Variants in DYNC1H1 observed in about 807,000 individuals in gnomAD.
DYNC1H1 encodes dynein cytoplasmic 1 heavy chain 1.
DYNC1H1 carries 51 observed loss-of-function variants against 527.1 expected under a neutral mutation model. That is an observed-to-expected ratio of 0.10 (90% confidence interval 0.08 to 0.12). The LOEUF is 0.12. Among genes scored for constraint, DYNC1H1 ranks in the 10% least tolerant of loss-of-function variants. DYNC1H1 has a pLI of 1.00. For missense variants in DYNC1H1, 2,771 were observed against 5,971.8 expected (o/e 0.46, Z 17.66); for synonymous variants, 2,189 against 2,278.8 (o/e 0.96, Z 1.12).
In DYNC1H1 at chr14:102,005,995, C is replaced by T; in HGVS notation, c.5541C>T (p.Asp1847=). The change falls in exon 27 of 78, where the codon GAC becomes GAT. Residue 1847 remains aspartate, a synonymous_variant. Coordinates refer to ENST00000360184, the MANE Select transcript of DYNC1H1 (RefSeq NM_001376.5). The surrounding 1 kb of genome is among the most constrained non-coding windows in gnomAD (Gnocchi z 4.0). ...EWLSQMRFYF[D]PKQTDVLQQL... ...TCAGCCAGATGCGATTTTACTTTGA[C>T]CCTAAGCAAACTGATGTGTTACAGC... 2 of 1,614,238 alleles carry T rather than the reference C, an allele frequency of 1.2e-6. No individual in the cohort carries two copies. The highest frequency in any genetic ancestry group is 1.7e-6 in the Non-Finnish European group (2 of 1,180,050).
rs2048665586 is a variant in DYNC1H1, at chr14:102,042,594, C to T, written c.12400-41C>T. On this transcript the variant is annotated intron_variant, in intron 68 of 77. Transcript: ENST00000360184. The surrounding 1 kb of genome is among the most constrained non-coding windows in gnomAD (Gnocchi z 5.7). The stretch of plus-strand genomic sequence containing the variant: ...TGTGGTGGAATTGAACAGGCGCCCT[C>T]ATCCACACCCGAGCATAACTGGAAC... 1 of 1,613,750 alleles carries T rather than the reference C, an allele frequency of 6.2e-7. No individual in the cohort carries two copies. The highest frequency in any genetic ancestry group is 8.5e-7 in the Non-Finnish European group (1 of 1,179,930).
rs3067914 is a variant in DYNC1H1 at position 102,025,565 on chromosome 14, G to GA, written c.8638-989dup. 2.1e-3 allele frequency among the ~76,000 whole-genome samples: 214 copies of GA among 102,318 alleles called. 2 individuals carry two copies. Among genetic ancestry groups the GA allele is most frequent in the East Asian group, 9.1e-3 (31 of 3,394 alleles). The allele number at this position is 102,318 out of a possible 152,430, so 67.1% of individuals were successfully genotyped here. A position where few individuals can be genotyped will look rare whatever the true frequency, so the allele number is the denominator to read the frequency against. On this transcript the variant is annotated intron_variant, in intron 43 of 77. Transcript: ENST00000360184. ...TGACAGAGTGAGACCCTGTCTCAAG[G>GA]AAAAAAAAAAAAAAAAAAAAGATGT...
Position 102,044,375 on chromosome 14 carries a change from G to A in DYNC1H1, c.12786G>A (p.Gln4262=), listed in dbSNP as rs1474226447. ...GGCGCGTGGACAACGAGTTTGACCAGCGTCTGCTCAACACCTTCCTGGAGC... is the reference window on the plus strand; with the variant it reads ...GGCGCGTGGACAACGAGTTTGACCAACGTCTGCTCAACACCTTCCTGGAGC... ...YGGRVDNEFD[Q]RLLNTFLERL... is the part of the protein sequence containing the mutation. The change falls in exon 71 of 78, where the codon CAG becomes CAA. Residue 4262 remains glutamine, a synonymous_variant. Transcript: ENST00000360184. This position sits in a 1 kb window ranked among gnomAD's most constrained non-coding sequence, Gnocchi z 7.1. 1 of 1,614,104 alleles carries A rather than the reference G, an allele frequency of 6.2e-7. No homozygotes were observed. The highest frequency in any genetic ancestry group is 8.5e-7 in the Non-Finnish European group (1 of 1,180,030).
chr14:101,996,901 G>A, intron 15 of DYNC1H1, 134 bp from the exon 16 acceptor site: 2 of 1,323,222 alleles, frequency 1.5e-6, no homozygotes, highest in Non-Finnish European at 2.1e-6. Flanking sequence ...GGGATTACAG[G>A]CAAGAACCAC....
intron 1 of DYNC1H1, among the ~76,000 whole-genome samples, chr14:101,970,473 G>GTTTTTTTTTT (rs958653217): frequency 2.0e-4 from 16 of 81,464 alleles, no homozygotes; most frequent in Non-Finnish European, 2.9e-4. Flanking sequence ...GTTTGTTGTT[G>GTTTTTTTTTT]TTTTTTTTTT....
At chr14:102,030,329 C>G in intron 51 of DYNC1H1, 47 bp downstream of exon 51, 1 of 1,613,540 alleles carries the variant, frequency 6.2e-7, no homozygotes, top group African/African-American at 1.3e-5. Context: ...GGGTGGTCTC[C>G]GTCAACATTA....
chr14:101,982,992 C>T, intron 5 of DYNC1H1, 27 bp from the exon 6 acceptor site: 2 of 1,605,188 alleles, frequency 1.2e-6, no homozygotes, highest in Non-Finnish European at 1.7e-6. Context: ...TATGTGAAAA[C>T]CATTAACTCT....
In DYNC1H1 at chr14:102,002,486, C is replaced by T. The variant is rs1451880237; in HGVS notation, c.4543-51C>T. 1 of 1,610,860 alleles carries T rather than the reference C, an allele frequency of 6.2e-7. No individual in the cohort carries two copies. Among genetic ancestry groups the T allele is most frequent in the Admixed American group, 1.7e-5 (1 of 59,978 alleles). On this transcript the variant is annotated intron_variant, in intron 21 of 77. Transcript: ENST00000360184. The surrounding 1 kb of genome is among the most constrained non-coding windows in gnomAD (Gnocchi z 4.4). ...GCTTTTTCAGTGAGTTTTGGCATATCTGTGAGTAGAAGGGTCAGCAGTTTA... is the reference window on the plus strand; with the variant it reads ...GCTTTTTCAGTGAGTTTTGGCATATTTGTGAGTAGAAGGGTCAGCAGTTTA...
In DYNC1H1 at chr14:102,049,946, G is replaced by T; in HGVS notation, c.13684+64G>T. On this transcript the variant is annotated intron_variant, in intron 76 of 77. Transcript: ENST00000360184. The surrounding 1 kb of genome is among the most constrained non-coding windows in gnomAD (Gnocchi z 5.5). ...GTGACCTCGGTGGCCTGAGACCATT[G>T]TTCCCAGATACATGCACTTAGGGTG... 1 of 1,548,712 alleles carries T rather than the reference G, an allele frequency of 6.5e-7. No individual in the cohort carries two copies. Among genetic ancestry groups the T allele is most frequent in the Non-Finnish European group, 8.6e-7 (1 of 1,158,186 alleles).
chr14:102,019,838 C>T, intron 41 of DYNC1H1, 55 bp from the exon 42 acceptor site: 1 of 1,609,524 alleles, frequency 6.2e-7, no homozygotes, highest in South Asian at 1.1e-5. Context: ...CTTTTGACCA[C>T]TTCTCTGTGT....
chr14:102,027,204 T>G lies in DYNC1H1; in HGVS notation c.8802T>G (p.Leu2934=). The change falls in exon 45 of 78, where the codon CTT becomes CTG. Residue 2934 remains leucine, a synonymous_variant. Transcript: ENST00000360184. The surrounding 1 kb of genome is among the most constrained non-coding windows in gnomAD (Gnocchi z 7.7). ...TCCGTCAACCTCAAGGCCACTTGCT[T>G]CTGATTGGTGTTAGTGGAGCAGGAA... The part of the protein sequence containing the change: ...RIFRQPQGHL[L]LIGVSGAGKT... The G allele has an allele frequency of 3.7e-6, 6 of 1,614,096 alleles. No homozygotes were observed. Among genetic ancestry groups the G allele is most frequent in the Non-Finnish European group, 5.1e-6 (6 of 1,179,994 alleles).
chr14:102,040,149 TTC>T, intron 62 of DYNC1H1, 85 bp from the exon 63 acceptor site: 1 of 1,574,342 alleles, frequency 6.4e-7, no homozygotes, highest in African/African-American at 1.3e-5. Flanking sequence ...CCGGCCTGTT[TTC>T]TCTTTTCTTA....
rs554155821 is a variant in DYNC1H1 at position 101,981,684 on chromosome 14, C to G, written c.961+1134C>G. On this transcript the variant is annotated intron_variant, in intron 5 of 77. Transcript: ENST00000360184. Reference sequence around the variant, plus strand: ...AGAAACCTTCCGGTTACTTAGATCACATTGCACACATTACATGCGCATTCA... The same window carrying G: ...AGAAACCTTCCGGTTACTTAGATCAGATTGCACACATTACATGCGCATTCA... Among the ~76,000 whole-genome samples, 423 of 152,350 alleles carry G rather than the reference C, an allele frequency of 2.8e-3. 2 individuals carry two copies. The highest frequency in any genetic ancestry group is 4.1e-3 in the Non-Finnish European group (278 of 68,036).
chr14:102,028,793 T>G (rs774865774), intron 48 of DYNC1H1: 4 of 163,286 alleles, frequency 2.4e-5, no homozygotes, highest in Non-Finnish European at 4.1e-5. Flanking sequence ...AAGAGCCAGA[T>G]CATAAATGTT....
At position 101,986,327 on chromosome 14, in the gene DYNC1H1, A is replaced by C. The variant is rs2047936446; in HGVS notation, c.2102A>C (p.Asp701Ala). The change falls in exon 8 of 78, where the codon GAC becomes GCC. Residue 701 changes from aspartate to alanine, a missense_variant. Asp to Ala is a moderately radical substitution (Grantham distance 126, BLOSUM62 -2). This residue lies in a region of DYNC1H1 where 264 missense variants were observed against 619.4 expected (regional missense o/e 0.43). Transcript: ENST00000360184. The surrounding 1 kb of genome is among the most constrained non-coding windows in gnomAD (Gnocchi z 8.7). ...CTCAACACGCAGGAGATCTTTGATGACTGGGCAAGGAAGGTGCAGCAGCGC... is the reference window on the plus strand; with the variant it reads ...CTCAACACGCAGGAGATCTTTGATGCCTGGGCAAGGAAGGTGCAGCAGCGC... The part of the protein sequence containing the change: ...MKLNTQEIFD[D>A]WARKVQQRNL... 2.5e-6 allele frequency: 4 copies of C among 1,613,744 alleles called. No individual in the cohort carries two copies. Among genetic ancestry groups the C allele is most frequent in the Admixed American group, 3.3e-5 (2 of 59,964 alleles).
rs200197781 is a variant in DYNC1H1 at position 102,015,930 on chromosome 14, C to T, written c.7317C>T (p.His2439=). The T allele has an allele frequency of 4.7e-5, 76 of 1,614,238 alleles. 1 individual carries two copies. Among genetic ancestry groups the T allele is most frequent in the Middle Eastern group, 3.3e-4 (2 of 6,062 alleles). ...SNGLVTKALE[H]AFQLEHIMDL... ...GCCTGGTCACCAAGGCGCTAGAGCA[C>T]GCCTTCCAGCTGGAGCACATCATGG... The change falls in exon 36 of 78, where the codon CAC becomes CAT. Residue 2439 remains histidine (H), a synonymous_variant. Coordinates refer to ENST00000360184, the MANE Select transcript of DYNC1H1 (RefSeq NM_001376.5). The surrounding 1 kb of genome is among the most constrained non-coding windows in gnomAD (Gnocchi z 6.9).
intron 57 of DYNC1H1, chr14:102,037,078 C>A: frequency 3.2e-5 from 7 of 218,610 alleles, no homozygotes; most frequent in South Asian, 6.3e-5. Context: ...GCCTGGGAGA[C>A]AGAAAGAGAC....
At chr14:101,978,369 C>T (rs895163541) in intron 2 of DYNC1H1, among the ~76,000 whole-genome samples, 2 of 152,100 alleles carry the variant, frequency 1.3e-5, no homozygotes, top group African/African-American at 2.4e-5. Flanking sequence ...GATGTGGTTT[C>T]GCCATGTTGG....
intron 5 of DYNC1H1, among the ~76,000 whole-genome samples, chr14:101,980,827 C>T (rs1425310160): frequency 6.6e-6 from 1 of 152,180 alleles, no homozygotes; most frequent in Non-Finnish European, 1.5e-5. Context: ...CACTGCTGGG[C>T]TCCATGAGTC....
Sources: gnomAD v4.1 joint callset for allele counts (sites outside exome capture counted in the v4.1 genomes callset) on GRCh38, gnomAD v4.1.1 for gene constraint, gnomAD v4.1.1 regional missense constraint, Gnocchi (gnomAD v3.1) non-coding constraint, MANE v1.5 for transcripts, NCBI Gene and HGNC (gene_info 2026-07-23, HGNC 2026-07-21) for gene names.